The following RADIL variants were observed in gnomAD, a reference collection of about 807,000 sequenced individuals.
RADIL encodes Rap associating with DIL domain.
Under a neutral mutation model 97.6 loss-of-function variants are expected in RADIL, and 99 were observed. The observed-to-expected ratio is 1.01, with a 90% CI of 0.86 to 1.20. The LOEUF (loss-of-function observed/expected upper bound fraction) is 1.20, where lower values mean the gene tolerates loss of function less well. RADIL is among the 50% of genes most tolerant of loss of function. RADIL has a pLI of 0.00. For missense variants in RADIL, 1,765 were observed against 1,498.9 expected (o/e 1.18, Z -2.93); for synonymous variants, 803 against 691.8 (o/e 1.16, Z -2.52).
At chr7:4,865,073 CAATGCTGTTCTGTCTGACCAG>C (rs1485598319) in intron 2 of RADIL, among the ~76,000 whole-genome samples, 1 of 152,224 alleles carries the variant, frequency 6.6e-6, no homozygotes, top group Admixed American at 6.5e-5. Flanking sequence ...GATCTTCACA[CAATGCTGTTCTGTCTGACCAG>C]AATGCTCTTC....
intron 2 of RADIL, among the ~76,000 whole-genome samples, chr7:4,871,014 T>C (rs932721103): frequency 6.6e-6 from 1 of 152,220 alleles, no homozygotes; most frequent in Non-Finnish European, 1.5e-5. Context: ...CAACTAACCA[T>C]TCAAGTTTAT....
chr7:4,817,347 C>T lies in RADIL; in HGVS notation c.1620G>A (p.Ser540=), dbSNP rs532481685. The change falls in exon 7 of 15, where the codon TCG becomes TCA. Residue 540 remains serine, a synonymous_variant. Transcript: ENST00000399583. This position sits in a 1 kb window ranked among gnomAD's most constrained non-coding sequence, Gnocchi z 8.3. ...GCGTGCAGGAGAACAGCGATTCCTTCGAGCCTGCCGGGAGACAGCCACGCC... is the reference window on the plus strand; with the variant it reads ...GCGTGCAGGAGAACAGCGATTCCTTTGAGCCTGCCGGGAGACAGCCACGCC... ...SMEEQLDITG[S]KESLFSCTLT... 194 of 1,610,834 alleles carry T rather than the reference C, an allele frequency of 1.2e-4. No individual in the cohort carries two copies. The East Asian group carries it at 3.5e-3, about 29-fold the overall frequency.
chr7:4,876,760 G>C (rs1784386169), intron 2 of RADIL, among the ~76,000 whole-genome samples: 1 of 152,210 alleles, frequency 6.6e-6, no homozygotes. Context: ...GACCGACAAT[G>C]ATCGGCTGCC....
chr7:4,861,048 C>A (rs1294492955), intron 2 of RADIL: 1 of 1,614,178 alleles, frequency 6.2e-7, no homozygotes, highest in Admixed American at 1.7e-5. Flanking sequence ...CAAGTTCTTG[C>A]TACTAGCATG....
intron 2 of RADIL, chr7:4,858,629 T>C (rs1783894409): frequency 1.3e-5 from 2 of 152,770 alleles, no homozygotes; most frequent in South Asian, 4.1e-4. Flanking sequence ...TTAACTTTCC[T>C]ATAAGGAGGT....
chr7:4,832,924 A>G (rs1583292118), intron 4 of RADIL, among the ~76,000 whole-genome samples: 1 of 152,172 alleles, frequency 6.6e-6, no homozygotes, highest in Admixed American at 6.6e-5. Context: ...TGATATTCGC[A>G]TGGGATCTGG....
intron 1 of RADIL, among the ~76,000 whole-genome samples, chr7:4,881,414 C>CAAAAAA (rs58871429): frequency 1.2e-5 from 1 of 82,292 alleles, no homozygotes. Context: ...GACTCCCTCT[C>CAAAAAA]AAAAAAAAAA....
chr7:4,801,738 C>T lies in RADIL; in HGVS notation c.2757G>A (p.Trp919Ter). ...TTCCACAGGGGCCGCCGGACTCTGG[C>T]CAGTCGGGGTCCCCAGGCTCAGGGC... ...PLGPEPGDPD[W>*]PESGGPCGKA... The change falls in exon 12 of 15, where the codon TGG becomes TGA. Residue 919 changes from tryptophan to a stop codon, truncating the protein, a stop_gained. Coordinates refer to ENST00000399583, the MANE Select transcript of RADIL (RefSeq NM_018059.5). LOFTEE classifies it high-confidence loss of function. The T allele has an allele frequency of 1.9e-6, 3 of 1,610,502 alleles. No homozygotes were observed. The highest frequency in any genetic ancestry group is 2.5e-6 in the Non-Finnish European group (3 of 1,179,110).
intron 9 of RADIL, chr7:4,809,612 A>AC: frequency 1.0e-6 from 1 of 984,172 alleles, no homozygotes; most frequent in Non-Finnish European, 1.2e-6. Flanking sequence ...CTTGAACTCG[A>AC]CTCCTTCAGC....
chr7:4,810,867 G>T (rs1782524832), intron 9 of RADIL, among the ~76,000 whole-genome samples: 1 of 152,232 alleles, frequency 6.6e-6, no homozygotes, highest in Admixed American at 6.5e-5. Flanking sequence ...CGGGCGTGGT[G>T]GCTCACACCT....
rs1424991836 is a variant in RADIL, at chr7:4,809,322, T to C, written c.2140-3606A>G. 3 of 985,156 alleles carry C rather than the reference T, an allele frequency of 3.0e-6. No individual in the cohort carries two copies. In the African/African-American group the frequency reaches 5.2e-5, roughly 17 times the overall value. 61.0% of individuals were successfully genotyped at this position (985,156 alleles called of 1,614,324 possible). On this transcript the variant is annotated intron_variant, in intron 9 of 14. Coordinates refer to ENST00000399583, the MANE Select transcript of RADIL (RefSeq NM_018059.5). ...TGCCCTCGGCTCGGCCTAGTTTCCC[T>C]AGCCAGGAGAAGTCCTGTTTTCAAC...
chr7:4,874,604 A>G (rs1784327051), intron 2 of RADIL, among the ~76,000 whole-genome samples: 1 of 152,226 alleles, frequency 6.6e-6, no homozygotes, highest in Non-Finnish European at 1.5e-5. Context: ...CTGGGTAGGT[A>G]ACACAACCTG....
chr7:4,812,877 T>C (rs1345376710), intron 9 of RADIL, among the ~76,000 whole-genome samples: 3 of 152,238 alleles, frequency 2.0e-5, no homozygotes, highest in African/African-American at 7.2e-5. Context: ...TGATTATTCA[T>C]TCTTGGCCTT....
intron 2 of RADIL, among the ~76,000 whole-genome samples, chr7:4,868,196 G>A (rs942240111): frequency 6.6e-6 from 1 of 152,036 alleles, no homozygotes; most frequent in African/African-American, 2.4e-5. Flanking sequence ...CCGAGTAGCT[G>A]GGACTACAGG....
At chr7:4,838,085 G>A (rs2115006002) in intron 2 of RADIL, 1 of 983,110 alleles carries the variant, frequency 1.0e-6, no homozygotes, top group African/African-American at 1.7e-5. Flanking sequence ...AGGGCGTGAG[G>A]GAGGCCGCCC....
chr7:4,801,592 C>T (rs1303135810), intron 12 of RADIL, 61 bp downstream of exon 12: 2 of 1,502,388 alleles, frequency 1.3e-6, no homozygotes, highest in East Asian at 4.9e-5. Flanking sequence ...AGGGGACCGG[C>T]CATCAGGGTG....
At position 4,803,657 on chromosome 7, in the gene RADIL, G is replaced by A; in HGVS notation, c.2388C>T (p.Ile796=). The change falls in exon 11 of 15, where the codon ATC becomes ATT. Residue 796 remains isoleucine (I), a synonymous_variant. Coordinates refer to ENST00000399583, the MANE Select transcript of RADIL (RefSeq NM_018059.5). The part of the protein sequence containing the change: ...DLEANCLDDS[I]YQHLLYVRHF... ...GGCGGACGTAGAGCAGGTGCTGGTA[G>A]ATGCTGTCGTCCAGGCAGTTGGCTT... 1 of 1,551,444 alleles carries A rather than the reference G, an allele frequency of 6.4e-7. No homozygotes were observed. The highest frequency in any genetic ancestry group is 8.7e-7 in the Non-Finnish European group (1 of 1,147,722).
chr7:4,815,684 G>T lies in RADIL; in HGVS notation c.1967-234C>A, dbSNP rs1386380469. ...TAGCAGGGCAGGGTGGGCTGTGACT[G>T]CCGCTGACTCCACAGTGCAGCCCCT... is the stretch of plus-strand genomic sequence containing the variant. On this transcript the variant is annotated intron_variant, in intron 8 of 14. Transcript: ENST00000399583. This position sits in a 1 kb window ranked among gnomAD's most constrained non-coding sequence, Gnocchi z 8.0. Among the ~76,000 whole-genome samples the T allele has an allele frequency of 6.6e-6, 1 of 152,148 alleles. No individual in the cohort carries two copies. Among genetic ancestry groups the T allele is most frequent in the Non-Finnish European group, 1.5e-5 (1 of 67,994 alleles).
chr7:4,805,452 GGA>G (rs1319240365), intron 10 of RADIL, 112 bp downstream of exon 10: 1 of 1,340,602 alleles, frequency 7.5e-7, no homozygotes, highest in Non-Finnish European at 9.9e-7. Context: ...GAGGTCCCCA[GGA>G]GAGAGGTCCC....
Sources: allele counts gnomAD v4.1 joint callset (sites outside exome capture counted in the v4.1 genomes callset), GRCh38; gene constraint gnomAD v4.1.1; non-coding constraint Gnocchi (gnomAD v3.1); transcripts MANE v1.5; gene names NCBI Gene and HGNC (gene_info 2026-07-23, HGNC 2026-07-21).